LRRC1: variants seen among roughly 807,000 people sequenced by gnomAD.
The protein encoded by LRRC1 is leucine-rich repeat-containing protein 1.
A neutral mutation model predicts 69.9 loss-of-function variants in LRRC1; 28 were observed. The ratio of observed to expected loss-of-function variants is 0.40; its 90% CI spans 0.30 to 0.55. LRRC1 has a LOEUF of 0.55. Among genes scored for constraint, LRRC1 ranks in the 20% least tolerant of loss-of-function variants. The pLI is 0.47. For missense variants in LRRC1, 498 were observed against 609.0 expected (o/e 0.82, Z 1.92); for synonymous variants, 236 against 240.2 (o/e 0.98, Z 0.16).
chr6:53,876,878 G>A (rs780590328), intron 2 of LRRC1, among the ~76,000 whole-genome samples: 22 of 152,166 alleles, frequency 1.4e-4, no homozygotes, highest in Non-Finnish European at 2.5e-4. Flanking sequence ...ATCTGTTGGT[G>A]GATCTACCAT....
chr6:53,884,979 A>G (rs1767426090), intron 4 of LRRC1, among the ~76,000 whole-genome samples: 1 of 152,172 alleles, frequency 6.6e-6, no homozygotes, highest in South Asian at 2.1e-4. Flanking sequence ...ATAAAATGCC[A>G]CTTTGATCTT....
chr6:53,833,718 T>TC (rs939258512), intron 1 of LRRC1, among the ~76,000 whole-genome samples: 6 of 152,114 alleles, frequency 3.9e-5, no homozygotes, highest in South Asian at 2.1e-4. Flanking sequence ...AGGCCTTTTT[T>TC]CCCCCTGTGA....
intron 2 of LRRC1, among the ~76,000 whole-genome samples, chr6:53,855,063 G>C (rs1201516153): frequency 6.6e-6 from 1 of 152,206 alleles, no homozygotes; most frequent in Non-Finnish European, 1.5e-5. Flanking sequence ...AAAGAGGTGA[G>C]TAAGCAGTTT....
intron 4 of LRRC1, among the ~76,000 whole-genome samples, chr6:53,884,704 C>T (rs1054834021): frequency 6.6e-6 from 1 of 152,056 alleles, no homozygotes; most frequent in Admixed American, 6.5e-5. Flanking sequence ...TCCTTTTTTC[C>T]CATTTTGTGT....
chr6:53,868,064 T>G (rs528921807), intron 2 of LRRC1, among the ~76,000 whole-genome samples: 11 of 152,244 alleles, frequency 7.2e-5, no homozygotes, highest in African/African-American at 2.4e-4. Context: ...GAAAATCTCA[T>G]TAGTAGTACT....
intron 1 of LRRC1, among the ~76,000 whole-genome samples, chr6:53,827,339 T>C (rs1163896343): frequency 2.0e-5 from 3 of 148,518 alleles, no homozygotes. Flanking sequence ...GTTGAAGTAG[T>C]GTCATGTTAC....
At chr6:53,885,331 C>T (rs990423648) in intron 4 of LRRC1, among the ~76,000 whole-genome samples, 14 of 152,232 alleles carry the variant, frequency 9.2e-5, no homozygotes, top group African/African-American at 3.4e-4. Context: ...TCATTCATTT[C>T]TGAAAGGATT....
At position 53,922,087 on chromosome 6, in the gene LRRC1, A is replaced by G. The variant is rs192901326; in HGVS notation, c.1417-548A>G. Among the ~76,000 whole-genome samples, 760 of 152,334 alleles carry G rather than the reference A, an allele frequency of 5.0e-3. 4 individuals carry two copies. Among genetic ancestry groups the G allele is most frequent in the Non-Finnish European group, 7.9e-3 (536 of 68,028 alleles). The stretch of plus-strand genomic sequence containing the variant: ...CTTAACTTCCAGTCTTAATTAGAAG[A>G]GTGTGAACTTTCATCAGTAGGTCAT... On this transcript the variant is annotated intron_variant, in intron 13 of 13. Transcript: ENST00000370888.
At chr6:53,813,754 G>A (rs769089321) in intron 1 of LRRC1, among the ~76,000 whole-genome samples, 11 of 152,106 alleles carry the variant, frequency 7.2e-5, no homozygotes, top group Non-Finnish European at 1.5e-4. Flanking sequence ...ACTGTGGCAG[G>A]GGGTGAAGTG....
intron 4 of LRRC1, among the ~76,000 whole-genome samples, chr6:53,890,983 A>G (rs1767661559): frequency 6.6e-6 from 1 of 152,246 alleles, no homozygotes; most frequent in Admixed American, 6.5e-5. Context: ...TTGAAAACAT[A>G]GTAGAGAACA....
At chr6:53,824,234 C>CT (rs1765196575) in intron 1 of LRRC1, among the ~76,000 whole-genome samples, 1 of 151,682 alleles carries the variant, frequency 6.6e-6, no homozygotes. Context: ...TTGCATTTCT[C>CT]TAATGATCAG....
rs192427426 is a variant in LRRC1, at chr6:53,864,384, C to T, written c.278-14609C>T. Among the ~76,000 whole-genome samples the T allele has an allele frequency of 6.6e-5, 10 of 152,248 alleles. No individual in the cohort carries two copies. The East Asian group carries it at 1.7e-3, about 26-fold the overall frequency. On this transcript the variant is annotated intron_variant, in intron 2 of 13. Transcript: ENST00000370888. Reference sequence around the variant, plus strand: ...TTGGAACCTCAGGCTTTGTTTCTGACTCCTCATTTTGTCTCTCCATATGCA... The same window carrying T: ...TTGGAACCTCAGGCTTTGTTTCTGATTCCTCATTTTGTCTCTCCATATGCA...
intron 1 of LRRC1, among the ~76,000 whole-genome samples, chr6:53,817,848 G>C (rs112935246): frequency 1.3e-5 from 2 of 152,012 alleles, no homozygotes; most frequent in Non-Finnish European, 2.9e-5. Context: ...AGTAATGTAG[G>C]TACTAAAAAA....
At chr6:53,823,896 G>T (rs1280957074) in intron 1 of LRRC1, among the ~76,000 whole-genome samples, 2 of 152,102 alleles carry the variant, frequency 1.3e-5, no homozygotes, top group African/African-American at 4.8e-5. Flanking sequence ...TACCATTGAG[G>T]GACATTTAGG....
chr6:53,831,242 A>G (rs1765419371), intron 1 of LRRC1, among the ~76,000 whole-genome samples: 1 of 152,150 alleles, frequency 6.6e-6, no homozygotes, highest in South Asian at 2.1e-4. Flanking sequence ...AACAAACGGC[A>G]TTACATAGTC....
intron 2 of LRRC1, among the ~76,000 whole-genome samples, chr6:53,873,209 C>G (rs1766952278): frequency 6.6e-6 from 1 of 150,808 alleles, no homozygotes; most frequent in South Asian, 2.1e-4. Context: ...TTTTTTGTAG[C>G]TATTATAAAT....
intron 1 of LRRC1, 56 bp from the exon 2 acceptor site, chr6:53,842,054 A>C: frequency 1.7e-6 from 2 of 1,152,114 alleles, no homozygotes; most frequent in Middle Eastern, 2.0e-4. Flanking sequence ...ATAGTAGCCC[A>C]AAAGTTTATG....
intron 4 of LRRC1, chr6:53,884,239 T>C (rs1013423752): frequency 4.1e-6 from 2 of 490,210 alleles, no homozygotes; most frequent in Non-Finnish European, 7.3e-6. Flanking sequence ...GCATGGTGGC[T>C]CACACCTGTA....
rs189149440 is a variant in LRRC1 at position 53,845,594 on chromosome 6, G to C, written c.277+3367G>C. ...GCCCCGCCTCAGTGGTTTGTAGCAGGGTTATAACCAGGGCTGGCCAGTCAT... is the reference window on the plus strand; with the variant it reads ...GCCCCGCCTCAGTGGTTTGTAGCAGCGTTATAACCAGGGCTGGCCAGTCAT... On this transcript the variant is annotated intron_variant, in intron 2 of 13. Coordinates refer to ENST00000370888, the MANE Select transcript of LRRC1 (RefSeq NM_018214.5). Among the ~76,000 whole-genome samples the C allele has an allele frequency of 5.3e-5, 8 of 152,270 alleles. No homozygotes were observed. The East Asian group carries it at 1.5e-3, about 29-fold the overall frequency.
Sources: allele counts gnomAD v4.1 joint callset (sites outside exome capture counted in the v4.1 genomes callset), GRCh38; gene constraint gnomAD v4.1.1; transcripts MANE v1.5; gene names NCBI Gene and HGNC (gene_info 2026-07-23, HGNC 2026-07-21).